CNBP: variants seen among roughly 807,000 people sequenced by gnomAD.
The protein encoded by CNBP is CCHC-type zinc finger nucleic acid binding protein.
Under a neutral mutation model 21.2 loss-of-function variants are expected in CNBP, and 6 were observed. The observed-to-expected ratio is 0.28, with a 90% CI of 0.16 to 0.56. The LOEUF (loss-of-function observed/expected upper bound fraction) is 0.56, where lower values mean the gene tolerates loss of function less well. Among genes scored for constraint, CNBP ranks in the 20% least tolerant of loss-of-function variants. CNBP has a pLI of 0.93. For missense variants in CNBP, 112 were observed against 233.1 expected (o/e 0.48, Z 3.38); for synonymous variants, 61 against 74.9 (o/e 0.81, Z 0.96).
Position 129,171,542 on chromosome 3 carries a change from T to C in CNBP, c.125-4A>G. ...GACGAGGAAACAAACTGGAAACCTG[T>C]TTTGAGCAAAAACAAAGAATTCGGC... On this transcript the variant is annotated splice_region_variant and splice_polypyrimidine_tract_variant and intron_variant, in intron 2 of 4. Transcript: ENST00000422453. 6.2e-7 allele frequency: 1 copy of C among 1,614,012 alleles called. No individual in the cohort carries two copies. Among genetic ancestry groups the C allele is most frequent in the African/African-American group, 1.3e-5 (1 of 75,054 alleles).
chr3:129,172,307 C>T (rs1937587166), intron 1 of CNBP, among the ~76,000 whole-genome samples: 1 of 152,046 alleles, frequency 6.6e-6, no homozygotes, highest in Non-Finnish European at 1.5e-5. Flanking sequence ...AGTGGCTGGG[C>T]ACGGTGGCTC....
chr3:129,171,910 T>C, intron 1 of CNBP, 139 bp from the exon 2 acceptor site: 4 of 955,214 alleles, frequency 4.2e-6, no homozygotes, highest in Non-Finnish European at 6.1e-6. Context: ...CTGGGCATGG[T>C]GGCTCACGCC....
Position 129,170,244 on chromosome 3 carries a change from TA to T in CNBP, c.*208del. ...GGGTTCTTTAACAAAGCATTATACA[TA>T]ACACCTCTACCAAACTAAACATAAA... On this transcript the variant is annotated 3_prime_UTR_variant, in exon 5 of 5. Transcript: ENST00000422453. 1.7e-6 allele frequency: 1 copy of T among 573,786 alleles called. No homozygotes were observed. Among genetic ancestry groups the T allele is most frequent in the South Asian group, 2.1e-5 (1 of 47,114 alleles). The allele number at this position is 573,786 out of a possible 1,614,324, so 35.5% of individuals were successfully genotyped here. A position where few individuals can be genotyped will look rare whatever the true frequency, so the allele number is the denominator to read the frequency against.
Position 129,171,539 on chromosome 3 carries a change from C to T in CNBP, c.125-1G>A. On this transcript the variant is annotated splice_acceptor_variant, in intron 2 of 4. Coordinates refer to ENST00000422453, the MANE Select transcript of CNBP (RefSeq NM_003418.5). LOFTEE classifies it high-confidence loss of function. Reference sequence around the variant, plus strand: ...AGAGACGAGGAAACAAACTGGAAACCTGTTTTGAGCAAAAACAAAGAATTC... The same window carrying T: ...AGAGACGAGGAAACAAACTGGAAACTTGTTTTGAGCAAAAACAAAGAATTC... 6.2e-7 allele frequency: 1 copy of T among 1,613,984 alleles called. No individual in the cohort carries two copies. The highest frequency in any genetic ancestry group is 8.5e-7 in the Non-Finnish European group (1 of 1,179,812).
At position 129,179,112 on chromosome 3, in the gene CNBP, T is replaced by C. The variant is rs924953796; in HGVS notation, c.-15+4664A>G. On this transcript the variant is annotated intron_variant, in intron 1 of 4. Coordinates refer to ENST00000422453, the MANE Select transcript of CNBP (RefSeq NM_003418.5). ...GACCAACATGGAGAAATCCCGTCTC[T>C]ACTAAAAACACAAAATTGGCCGGGT... Among the ~76,000 whole-genome samples the C allele has an allele frequency of 7.2e-5, 11 of 151,794 alleles. 1 individual carries two copies.
At chr3:129,175,618 C>T (rs1048982402) in intron 1 of CNBP, among the ~76,000 whole-genome samples, 3 of 151,802 alleles carry the variant, frequency 2.0e-5, no homozygotes, top group Admixed American at 1.3e-4. Flanking sequence ...TTAGTAGAGA[C>T]GGGGTTTCAC....
At chr3:129,179,515 AT>A in intron 1 of CNBP, among the ~76,000 whole-genome samples, 1 of 152,300 alleles carries the variant, frequency 6.6e-6, no homozygotes, top group Middle Eastern at 3.4e-3. Context: ...ATTAGTAAAC[AT>A]ATCTATAATC....
rs1435715704 is a variant in CNBP at position 129,170,279 on chromosome 3, G to A, written c.*174C>T. The A allele has an allele frequency of 1.6e-6, 1 of 609,450 alleles. No individual in the cohort carries two copies. The highest frequency in any genetic ancestry group is 2.9e-6 in the Non-Finnish European group (1 of 340,126). 37.8% of individuals were successfully genotyped at this position (609,450 alleles called of 1,614,324 possible). On this transcript the variant is annotated 3_prime_UTR_variant, in exon 5 of 5. Transcript: ENST00000422453. ...ACCAAACTAAACATAAACTTTTTTTGTAGTTAAATGCAGAAAGTCGGTTTT... is the reference window on the plus strand; with the variant it reads ...ACCAAACTAAACATAAACTTTTTTTATAGTTAAATGCAGAAAGTCGGTTTT...
Position 129,172,385 on chromosome 3 carries a change from C to G in CNBP, c.-14-614G>C, listed in dbSNP as rs541978418. On this transcript the variant is annotated intron_variant, in intron 1 of 4. Transcript: ENST00000422453. ...CCATCTGAGGTCAGGAGTTTGAGAC[C>G]AGTCTGGCCAACATGGCGAAACCCC... Among the ~76,000 whole-genome samples the G allele has an allele frequency of 2.6e-5, 4 of 151,992 alleles. No individual in the cohort carries two copies. The South Asian group carries it at 8.3e-4, about 32-fold the overall frequency.
rs530445358 is a variant in CNBP at position 129,168,872 on chromosome 3, G to A, written c.*1581C>T. On this transcript the variant is annotated 3_prime_UTR_variant, in exon 5 of 5. Transcript: ENST00000422453. The stretch of plus-strand genomic sequence containing the variant: ...AGCACTTTGGGAGGCCAAGGCGGGC[G>A]GATCACGAGGTCAGGAGATTGAGAC... Among the ~76,000 whole-genome samples the A allele has an allele frequency of 2.0e-3, 308 of 151,782 alleles. 2 individuals carry two copies. Among genetic ancestry groups the A allele is most frequent in the Non-Finnish European group, 2.8e-3 (188 of 67,948 alleles).
chr3:129,174,430 C>T (rs1048643537), intron 1 of CNBP, among the ~76,000 whole-genome samples: 75 of 145,550 alleles, frequency 5.2e-4, no homozygotes, highest in African/African-American at 1.9e-3. Flanking sequence ...CTTTGGGAGG[C>T]CGACGAGGAT....
In CNBP at chr3:129,169,124, T is replaced by A. The variant is rs1937524164; in HGVS notation, c.*1329A>T. 2.8e-5 allele frequency among the ~76,000 whole-genome samples: 4 copies of A among 144,832 alleles called. No homozygotes were observed. The highest frequency in any genetic ancestry group is 7.0e-5 in the Admixed American group (1 of 14,352). Reference sequence around the variant, plus strand: ...CTCAAAAAAAAATAAAAAAATAAAATAAAAATAAAAATACAAAAAATTAGC... The same window carrying A: ...CTCAAAAAAAAATAAAAAAATAAAAAAAAAATAAAAATACAAAAAATTAGC... On this transcript the variant is annotated 3_prime_UTR_variant, in exon 5 of 5. Coordinates refer to ENST00000422453, the MANE Select transcript of CNBP (RefSeq NM_003418.5).
chr3:129,172,652 GCAGGCAGACAGACAGA>G (rs1202809324), intron 1 of CNBP, among the ~76,000 whole-genome samples: 79 of 109,296 alleles, frequency 7.2e-4, no homozygotes, highest in South Asian at 6.4e-3. Flanking sequence ...AGGCAGGCAG[GCAGGCAGACAGACAGA>G]CAGACAGACA....
chr3:129,183,776 C>A lies in CNBP; in HGVS notation c.-15G>T. ...GCCGGGCCCCTCCCCCAGCCCTCAC[C>A]TTCCGCGTCGGAGCGGGCCCGCAGC... On this transcript the variant is annotated splice_region_variant and 5_prime_UTR_variant, in exon 1 of 5. Coordinates refer to ENST00000422453, the MANE Select transcript of CNBP (RefSeq NM_003418.5). The A allele has an allele frequency of 6.5e-6, 1 of 153,096 alleles. No individual in the cohort carries two copies. The highest frequency in any genetic ancestry group is 1.5e-5 in the Non-Finnish European group (1 of 68,270). 9.5% of individuals were successfully genotyped at this position (153,096 alleles called of 1,614,324 possible).
rs1054047999 is a variant in CNBP, at chr3:129,183,654, C to T, written c.-15+122G>A. 8 of 152,604 alleles carry T rather than the reference C, an allele frequency of 5.2e-5. No individual in the cohort carries two copies. In the East Asian group the frequency reaches 9.6e-4, roughly 18 times the overall value. 9.5% of individuals were successfully genotyped at this position (152,604 alleles called of 1,614,324 possible). A position where few individuals can be genotyped will look rare whatever the true frequency, so the allele number is the denominator to read the frequency against. On this transcript the variant is annotated intron_variant, in intron 1 of 4. Coordinates refer to ENST00000422453, the MANE Select transcript of CNBP (RefSeq NM_003418.5). Reference sequence around the variant, plus strand: ...CAGCCGAGCTTCCCGCCTGACGCAGCAGAGGCGCAGGCCAAAGTGCGGCCG... The same window carrying T: ...CAGCCGAGCTTCCCGCCTGACGCAGTAGAGGCGCAGGCCAAAGTGCGGCCG...
chr3:129,175,195 G>C (rs1420450268), intron 1 of CNBP, among the ~76,000 whole-genome samples: 1 of 151,690 alleles, frequency 6.6e-6, no homozygotes, highest in Non-Finnish European at 1.5e-5. Flanking sequence ...TGGTGGTAAC[G>C]CGCCTGTAGT....
chr3:129,177,009 A>C (rs1274472767), intron 1 of CNBP, among the ~76,000 whole-genome samples: 15 of 152,320 alleles, frequency 9.8e-5, no homozygotes, highest in Admixed American at 8.5e-4. Flanking sequence ...CACCCAAGAC[A>C]ACTAAAAAAG....
chr3:129,177,181 A>C (rs1339637572), intron 1 of CNBP, among the ~76,000 whole-genome samples: 1 of 152,238 alleles, frequency 6.6e-6, no homozygotes, highest in East Asian at 1.9e-4. Flanking sequence ...GGCAGCAGGA[A>C]AACACTTAAG....
At chr3:129,176,981 G>T (rs923465252) in intron 1 of CNBP, among the ~76,000 whole-genome samples, 2 of 152,010 alleles carry the variant, frequency 1.3e-5, no homozygotes. Context: ...CAATCCCCAC[G>T]TGTGGCTGAG....
Sources: allele counts gnomAD v4.1 joint callset (sites outside exome capture counted in the v4.1 genomes callset), GRCh38; gene constraint gnomAD v4.1.1; transcripts MANE v1.5; gene names NCBI Gene and HGNC (gene_info 2026-07-23, HGNC 2026-07-21).